COL24A1: variants seen among roughly 807,000 people sequenced by gnomAD.
COL24A1 encodes collagen type XXIV alpha 1 chain, also known as collagen alpha-1(XXIV) chain.
A neutral mutation model predicts 253.9 loss-of-function variants in COL24A1; 224 were observed. The observed-to-expected ratio is 0.88, with a 90% confidence interval of 0.79 to 0.99. The LOEUF is 0.99. Ranked by LOEUF, COL24A1 falls within the 50% of genes least tolerant of loss-of-function variation. The pLI is 0.00. For synonymous variants in COL24A1, 685 were observed against 673.7 expected (o/e 1.02, Z -0.26); for missense variants, 2,131 against 2,068.5 (o/e 1.03, Z -0.59).
At chr1:85,826,740 G>A (rs1340808716) in intron 43 of COL24A1, among the ~76,000 whole-genome samples, 1 of 151,456 alleles carries the variant, frequency 6.6e-6, no homozygotes, top group Non-Finnish European at 1.5e-5. Context: ...TGTTGTTGGT[G>A]TATAAGAATG....
Position 85,734,898 on chromosome 1 carries a change from T to C in COL24A1, c.4849A>G (p.Ile1617Val), listed in dbSNP as rs767547615. 9.3e-6 allele frequency: 15 copies of C among 1,614,114 alleles called. No homozygotes were observed. The highest frequency in any genetic ancestry group is 1.6e-4 in the Middle Eastern group (1 of 6,084). ...GTGTTTAGACAGTGAATGGTGATGATATGGGTGGCTTCCGAACTCAGTAAA... is the reference window on the plus strand; with the variant it reads ...GTGTTTAGACAGTGAATGGTGATGACATGGGTGGCTTCCGAACTCAGTAAA... ...LHLLSSEATH[I>V]ITIHCLNTPR... Residue 1617 changes from isoleucine to valine, a missense_variant, in exon 59 of 60, where the codon ATC becomes GTC. Transcript: ENST00000370571.
intron 32 of COL24A1, among the ~76,000 whole-genome samples, chr1:85,882,390 G>A (rs963635183): frequency 1.3e-5 from 2 of 152,144 alleles, no homozygotes; most frequent in African/African-American, 4.8e-5. Flanking sequence ...GCGCGAACCC[G>A]GGAGGCGGAG....
intron 53 of COL24A1, among the ~76,000 whole-genome samples, chr1:85,766,065 A>AAT (rs896764129): frequency 8.6e-5 from 13 of 151,826 alleles, no homozygotes; most frequent in Non-Finnish European, 1.3e-4. Context: ...CTCTGTTTAG[A>AAT]ATATATATAT....
At chr1:86,130,601 C>T (rs1395996083) in intron 2 of COL24A1, among the ~76,000 whole-genome samples, 1 of 151,838 alleles carries the variant, frequency 6.6e-6, no homozygotes, top group Non-Finnish European at 1.5e-5. Context: ...CTCCCTTTAA[C>T]CCTTTCCCAT....
At chr1:85,876,915 G>A (rs1393833337) in intron 33 of COL24A1, among the ~76,000 whole-genome samples, 1 of 152,118 alleles carries the variant, frequency 6.6e-6, no homozygotes, top group Admixed American at 6.5e-5. Context: ...TCATTTCAAT[G>A]AGGTAATTAT....
At chr1:85,872,405 G>C (rs1207034464) in intron 35 of COL24A1, among the ~76,000 whole-genome samples, 1 of 152,110 alleles carries the variant, frequency 6.6e-6, no homozygotes, top group Non-Finnish European at 1.5e-5. Context: ...TAAGCCAAAA[G>C]AACAAAGCTG....
At chr1:85,756,239 G>T (rs973834172) in intron 55 of COL24A1, among the ~76,000 whole-genome samples, 4 of 152,002 alleles carry the variant, frequency 2.6e-5, no homozygotes, top group Admixed American at 2.6e-4. Flanking sequence ...GGCCAACATG[G>T]TGAAATCCCA....
At chr1:85,762,488 A>T (rs898609566) in intron 53 of COL24A1, among the ~76,000 whole-genome samples, 1 of 152,222 alleles carries the variant, frequency 6.6e-6, no homozygotes, top group African/African-American at 2.4e-5. Context: ...AAACTTGTAC[A>T]TAATTAAATG....
chr1:86,076,464 T>A (rs2202675), intron 7 of COL24A1, among the ~76,000 whole-genome samples: 1 of 152,084 alleles, frequency 6.6e-6, no homozygotes, highest in Non-Finnish European at 1.5e-5. Flanking sequence ...GGCCATACTG[T>A]CCCAAGTAAT....
At chr1:85,879,249 GTGT>G (rs1571046914) in intron 32 of COL24A1, among the ~76,000 whole-genome samples, 1 of 77,190 alleles carries the variant, frequency 1.3e-5, no homozygotes, top group African/African-American at 7.5e-5. Flanking sequence ...TTTTGAGGGT[GTGT>G]GTGTGTGTGT....
At chr1:85,746,253 G>T (rs911781166) in intron 55 of COL24A1, among the ~76,000 whole-genome samples, 1 of 152,050 alleles carries the variant, frequency 6.6e-6, no homozygotes, top group African/African-American at 2.4e-5. Flanking sequence ...TTACTTGAAG[G>T]CTGCATAATA....
chr1:86,078,215 A>G (rs1312135074), intron 7 of COL24A1, among the ~76,000 whole-genome samples: 2 of 152,188 alleles, frequency 1.3e-5, no homozygotes, highest in Non-Finnish European at 2.9e-5. Flanking sequence ...TATCATTTCA[A>G]TTAATGCTGA....
At chr1:86,070,429 T>C (rs1701797974) in intron 7 of COL24A1, among the ~76,000 whole-genome samples, 1 of 152,086 alleles carries the variant, frequency 6.6e-6, no homozygotes, top group South Asian at 2.1e-4. Flanking sequence ...AAAGGGATAA[T>C]ATCAGAGAAC....
At chr1:86,146,632 G>C (rs935170308) in intron 1 of COL24A1, among the ~76,000 whole-genome samples, 1 of 151,716 alleles carries the variant, frequency 6.6e-6, no homozygotes, top group African/African-American at 2.4e-5. Context: ...CTTAACTATA[G>C]TGATTATAAG....
At chr1:86,069,961 G>A (rs1701757053) in intron 7 of COL24A1, among the ~76,000 whole-genome samples, 1 of 152,114 alleles carries the variant, frequency 6.6e-6, no homozygotes, top group Non-Finnish European at 1.5e-5. Context: ...ACAAAAACAT[G>A]ATCTCACCAA....
In COL24A1 at chr1:85,733,114, A is replaced by G. The variant is rs118073373; in HGVS notation, c.4998+1635T>C. Among the ~76,000 whole-genome samples the G allele has an allele frequency of 9.3e-3, 1,416 of 152,300 alleles. 57 individuals are homozygous for G. The highest frequency in any genetic ancestry group is 0.063 in the Admixed American group (956 of 15,292). On this transcript the variant is annotated intron_variant, in intron 59 of 59. Coordinates refer to ENST00000370571, the MANE Select transcript of COL24A1 (RefSeq NM_152890.7). ...TCTCTTCAAATATAGATAATAAAAT[A>G]TATATACTTCTATTTGCTTATGATT...
chr1:85,966,903 G>C (rs1455749911), intron 22 of COL24A1, among the ~76,000 whole-genome samples: 1 of 152,116 alleles, frequency 6.6e-6, no homozygotes, highest in African/African-American at 2.4e-5. Context: ...GGTAACACCT[G>C]GGAGGGAAAC....
chr1:85,760,058 GTTT>G (rs34107171), intron 55 of COL24A1, among the ~76,000 whole-genome samples: 11 of 149,364 alleles, frequency 7.4e-5, no homozygotes, highest in African/African-American at 2.0e-4. Flanking sequence ...GAAAGACATT[GTTT>G]TTTTTTTTTT....
In COL24A1 at chr1:85,899,205, C is replaced by T. The variant is rs529182135; in HGVS notation, c.2779-2796G>A. Among the ~76,000 whole-genome samples the T allele has an allele frequency of 5.5e-4, 84 of 152,148 alleles. 2 individuals are homozygous for T. The highest frequency in any genetic ancestry group is 1.9e-3 in the African/African-American group (80 of 41,536). ...TTCTCTTTTTGCTCCAAAAGAAACA[C>T]AGCTAATTTTTTTTTGAGTAACAAA... On this transcript the variant is annotated intron_variant, in intron 28 of 59. Transcript: ENST00000370571.
Sources: allele counts gnomAD v4.1 joint callset (sites outside exome capture counted in the v4.1 genomes callset), GRCh38; gene constraint gnomAD v4.1.1; transcripts MANE v1.5; gene names NCBI Gene and HGNC (gene_info 2026-07-23, HGNC 2026-07-21).